The following USP4 variants were observed in gnomAD, a reference collection of about 807,000 sequenced individuals.
The protein encoded by USP4 is ubiquitin specific peptidase 4, also known as ubiquitin carboxyl-terminal hydrolase 4.
In USP4, 72 loss-of-function variants were observed where a neutral mutation model predicts 118.2. That is an observed-to-expected ratio of 0.61 (90% CI 0.50 to 0.74). The LOEUF is 0.74. Ranked by LOEUF, USP4 falls within the 30% of genes least tolerant of loss-of-function variation. The probability of loss-of-function intolerance (pLI) is 0.00; values close to 1 mark genes in which losing one functional copy is unlikely to be tolerated. For synonymous variants in USP4, 415 were observed against 440.4 expected, an observed-to-expected ratio of 0.94 and a Z score of 0.72; for missense variants, 1,037 against 1,185.7, an observed-to-expected ratio of 0.87 and a Z score of 1.84.
chr3:49,322,097 C>A (rs1048034750), intron 6 of USP4, among the ~76,000 whole-genome samples: 2 of 152,150 alleles, frequency 1.3e-5, no homozygotes, highest in African/African-American at 4.8e-5. Context: ...ACAGGACACC[C>A]CCAGACCCCT....
At chr3:49,305,093 G>C (rs912006898) in intron 9 of USP4, among the ~76,000 whole-genome samples, 19 of 147,726 alleles carry the variant, frequency 1.3e-4, no homozygotes. Context: ...TTTTCTTTGA[G>C]ACAGAGTCTC....
chr3:49,292,540 C>A lies in USP4; in HGVS notation c.1942G>T (p.Ala648Ser). Residue 648 changes from alanine (A) to serine (S), a missense_variant, in exon 15 of 22, where the codon GCC becomes TCC. Around this residue, in one of 3 missense-constraint regions of USP4, gnomAD observed 522 missense variants for 592.6 expected, o/e 0.88. Coordinates refer to ENST00000265560, the MANE Select transcript of USP4 (RefSeq NM_003363.4). ...CAGCTGTTCCTGGAGCCATTGCAGG[C>A]CCCTGGCTCCAAGGGTGAGCTGCCA... is the stretch of plus-strand genomic sequence containing the variant. Reference protein sequence around the residue: ...EFGSSPLEPGACNGSRNSCEG... With the variant: ...EFGSSPLEPGSCNGSRNSCEG... The A allele has an allele frequency of 2.5e-6, 4 of 1,598,080 alleles. No individual in the cohort carries two copies. Among genetic ancestry groups the A allele is most frequent in the Middle Eastern group, 1.7e-4 (1 of 6,038 alleles).
Position 49,286,260 on chromosome 3 carries a change from T to G in USP4, c.2038A>C (p.Ser680Arg), listed in dbSNP as rs1248996618. The stretch of plus-strand genomic sequence containing the variant: ...TCATTTCCTGGCTCATCTTCCCCAC[T>G]GCCTTCTGTTTCTGAAAGCTGCTCT... Reference protein sequence around the residue: ...GKEQLSETEGSGEDEPGNDPS... With the variant: ...GKEQLSETEGRGEDEPGNDPS... Residue 680 changes from serine to arginine, a missense_variant, in exon 16 of 22, where the codon AGT becomes CGT. By Grantham distance (110) the Ser-to-Arg change is moderately radical. This residue lies in a region of USP4 where 522 missense variants were observed against 592.6 expected (regional missense o/e 0.88). Coordinates refer to ENST00000265560, the MANE Select transcript of USP4 (RefSeq NM_003363.4). 6.2e-7 allele frequency: 1 copy of G among 1,614,190 alleles called. No individual in the cohort carries two copies. Among genetic ancestry groups the G allele is most frequent in the Admixed American group, 1.7e-5 (1 of 60,014 alleles).
At chr3:49,327,538 CA>C (rs952507840) in intron 3 of USP4, 147 bp downstream of exon 3, 10,524 of 722,244 alleles carry the variant, frequency 0.015, no homozygotes, top group South Asian at 0.022. Context: ...GACTCCATCT[CA>C]AAAAAAAAAG....
Position 49,284,837 on chromosome 3 carries a change from C to T in USP4, c.2271+12G>A, listed in dbSNP as rs1447891928. ...AGCAGACACCACCGACCACGAACCC[C>T]GAGGGACCTACCTCAGATTCTTGCT... On this transcript the variant is annotated intron_variant, in intron 17 of 21. Transcript: ENST00000265560. 11 of 1,613,100 alleles carry T rather than the reference C, an allele frequency of 6.8e-6. No homozygotes were observed. The highest frequency in any genetic ancestry group is 9.3e-6 in the Non-Finnish European group (11 of 1,179,290).
intron 15 of USP4, among the ~76,000 whole-genome samples, chr3:49,288,575 T>C (rs530702406): frequency 6.6e-6 from 1 of 152,188 alleles, no homozygotes; most frequent in South Asian, 2.1e-4. Context: ...CTCGGGAGGC[T>C]GAGGCAGGAG....
At chr3:49,330,427 A>G (rs1450504316) in intron 2 of USP4, among the ~76,000 whole-genome samples, 3 of 151,362 alleles carry the variant, frequency 2.0e-5, no homozygotes, top group Non-Finnish European at 4.4e-5. Context: ...TCTCGGGTTC[A>G]TGCTATTCTC....
At chr3:49,300,802 C>G (rs925451553) in intron 10 of USP4, 111 bp from the exon 11 acceptor site, 1 of 940,936 alleles carries the variant, frequency 1.1e-6, no homozygotes, top group South Asian at 1.6e-5. Context: ...ATCTGTACAG[C>G]CAAGAGCTTG....
intron 13 of USP4, 116 bp downstream of exon 13, chr3:49,297,754 G>A: frequency 1.2e-6 from 1 of 835,018 alleles, no homozygotes; most frequent in East Asian, 2.6e-5. Flanking sequence ...CAGGGGTCAG[G>A]GCCAATCCAC....
chr3:49,302,086 G>A (rs1053910110), intron 10 of USP4, among the ~76,000 whole-genome samples: 7 of 151,316 alleles, frequency 4.6e-5, no homozygotes, highest in Non-Finnish European at 8.8e-5. Context: ...AGTGCCTCAC[G>A]CCTGTTGTAA....
chr3:49,279,575 C>T (rs755639150), intron 20 of USP4, among the ~76,000 whole-genome samples: 2 of 152,180 alleles, frequency 1.3e-5, no homozygotes, highest in Admixed American at 6.6e-5. Context: ...TATTCCCAAG[C>T]AGGATGTGTT....
chr3:49,299,366 GGGTAAGC>G (rs1221837205), intron 11 of USP4, among the ~76,000 whole-genome samples: 1 of 150,854 alleles, frequency 6.6e-6, no homozygotes. Flanking sequence ...GGGATTACAG[GGGTAAGC>G]CACCGTGCCC....
intron 6 of USP4, chr3:49,312,719 G>A (rs1253994791): frequency 2.7e-5 from 8 of 296,258 alleles, no homozygotes; most frequent in East Asian, 2.0e-4. Context: ...GCGTGAAACC[G>A]GGAGGCGGAG....
At position 49,325,837 on chromosome 3, in the gene USP4, C is replaced by T. The variant is rs747468927; in HGVS notation, c.369G>A (p.Glu123=). The T allele has an allele frequency of 6.2e-7, 1 of 1,613,686 alleles. No homozygotes were observed. The highest frequency in any genetic ancestry group is 1.7e-5 in the Admixed American group (1 of 59,992). ...TGCAGTGCTTGACAAACAGGCCATG[C>T]TCCACAACCTATGAACAAGAGGCAG... ...GQQPIVRKVV[E]HGLFVKHCKV... The change falls in exon 4 of 22, where the codon GAG becomes GAA. Residue 123 remains glutamate (E), a synonymous_variant. Coordinates refer to ENST00000265560, the MANE Select transcript of USP4 (RefSeq NM_003363.4).
chr3:49,335,429 C>G, intron 2 of USP4, 40 bp downstream of exon 2: 1 of 1,613,870 alleles, frequency 6.2e-7, no homozygotes, highest in Non-Finnish European at 8.5e-7. Flanking sequence ...AGGCCACTGC[C>G]CAGGTGAATG....
chr3:49,294,364 T>C (rs921848790), intron 14 of USP4, 43 bp downstream of exon 14: 5 of 1,581,626 alleles, frequency 3.2e-6, no homozygotes, highest in Middle Eastern at 3.4e-4. Context: ...ACTGGGTATA[T>C]CTTCATCTCA....
intron 6 of USP4, among the ~76,000 whole-genome samples, chr3:49,320,134 T>C (rs2047483394): frequency 6.6e-6 from 1 of 152,102 alleles, no homozygotes; most frequent in Non-Finnish European, 1.5e-5. Context: ...TTGACCAGGC[T>C]GGTCTCAAAC....
chr3:49,294,512 C>T lies in USP4; in HGVS notation c.1778G>A (p.Ser593Asn), dbSNP rs746025147. The change falls in exon 14 of 22, where the codon AGC becomes AAC. Residue 593 changes from serine to asparagine, a missense_variant. Transcript: ENST00000265560. ...YFRERKSRPSSTSSASALYGQ... is the reference protein window; with the variant it reads ...YFRERKSRPSNTSSASALYGQ... ...ATATAGCGCTGATGCGGAGGAAGTG[C>T]TTGATGGCCTGGACTTCCTCTCCCT... The T allele has an allele frequency of 6.2e-7, 1 of 1,614,222 alleles. No homozygotes were observed. The highest frequency in any genetic ancestry group is 8.5e-7 in the Non-Finnish European group (1 of 1,180,040).
chr3:49,308,263 G>A (rs1272989068), intron 8 of USP4, among the ~76,000 whole-genome samples: 1 of 152,056 alleles, frequency 6.6e-6, no homozygotes, highest in Non-Finnish European at 1.5e-5. Flanking sequence ...CTTACGGTGG[G>A]GGCTTTGGGT....
Sources: gnomAD v4.1 joint callset for allele counts (sites outside exome capture counted in the v4.1 genomes callset) on GRCh38, gnomAD v4.1.1 for gene constraint, gnomAD v4.1.1 regional missense constraint, MANE v1.5 for transcripts, NCBI Gene and HGNC (gene_info 2026-07-23, HGNC 2026-07-21) for gene names.